Variants in PTPRA observed in about 807,000 individuals in gnomAD.
The protein encoded by PTPRA is protein tyrosine phosphatase receptor type A.
PTPRA carries 25 observed loss-of-function variants against 104.8 expected under a neutral mutation model. That is an observed-to-expected ratio of 0.24 (90% CI 0.17 to 0.33). PTPRA has a LOEUF of 0.33. Among genes scored for constraint, PTPRA ranks in the 10% least tolerant of loss-of-function variants. PTPRA has a pLI of 1.00. For synonymous variants in PTPRA, 323 were observed against 368.9 expected, an observed-to-expected ratio of 0.88 and a Z score of 1.43; for missense variants, 765 against 1,015.3, an observed-to-expected ratio of 0.75 and a Z score of 3.35.
At chr20:2,878,678 T>G (rs2089885399) in intron 1 of PTPRA, among the ~76,000 whole-genome samples, 1 of 152,248 alleles carries the variant, frequency 6.6e-6, no homozygotes, top group Non-Finnish European at 1.5e-5. Flanking sequence ...TTTCGGTGCC[T>G]AATTGCAATC....
upstream of PTPRA, among the ~76,000 whole-genome samples, chr20:2,870,360 A>T (rs1600025103): frequency 6.6e-6 from 1 of 151,440 alleles, no homozygotes; most frequent in African/African-American, 2.4e-5. Context: ...AAGAGCAAAA[A>T]CTCCGTCTCA....
chr20:2,935,425 A>G (rs974045261), intron 2 of PTPRA, among the ~76,000 whole-genome samples: 1 of 152,212 alleles, frequency 6.6e-6, no homozygotes, highest in Admixed American at 6.5e-5. Flanking sequence ...TTGATTTCAT[A>G]TCTTAGCTAT....
Position 2,965,116 on chromosome 20 carries a change from A to G in PTPRA, c.329A>G (p.Asp110Gly), listed in dbSNP as rs771931373. Residue 110 changes from aspartate to glycine, a missense_variant, in exon 5 of 24, where the codon GAT becomes GGT. This residue lies in a region of PTPRA where 256 missense variants were observed against 248.9 expected (regional missense o/e 1.03). Coordinates refer to ENST00000399903, the MANE Select transcript of PTPRA (RefSeq NM_001385305.1). ...TISPNGTWLP[D>G]NQFTDARTEP... ...TCACCAAATGGAACGTGGCTTCCAG[A>G]TAACCAGTTCACGGATGCCAGAACA... 4 of 1,614,182 alleles carry G rather than the reference A, an allele frequency of 2.5e-6. No individual in the cohort carries two copies. Among genetic ancestry groups the G allele is most frequent in the Non-Finnish European group, 3.4e-6 (4 of 1,180,020 alleles).
At chr20:2,947,820 A>G (rs925703011) in intron 2 of PTPRA, among the ~76,000 whole-genome samples, 162 bp from the exon 3 acceptor site, 4 of 152,308 alleles carry the variant, frequency 2.6e-5, no homozygotes, top group Middle Eastern at 6.8e-3. Context: ...CTTGCAGCCT[A>G]ATTTTTGTGA....
upstream of PTPRA, among the ~76,000 whole-genome samples, chr20:2,872,841 C>T (rs1226362548): frequency 6.6e-6 from 1 of 152,210 alleles, no homozygotes; most frequent in East Asian, 1.9e-4. The surrounding 1 kb of genome is among the most constrained non-coding windows in gnomAD (Gnocchi z 7.9). Context: ...GCACCTCCAT[C>T]GCAGAGCACC....
Position 3,035,572 on chromosome 20 carries a change from C to T in PTPRA, c.1921-13C>T, listed in dbSNP as rs2065757241. On this transcript the variant is annotated splice_polypyrimidine_tract_variant and intron_variant, in intron 20 of 23. Transcript: ENST00000399903. This position sits in a 1 kb window ranked among gnomAD's most constrained non-coding sequence, Gnocchi z 5.8. ...TACTCTGAGCTCCTCACCTCTCCAACCTGTCTCTCCAGGAGAAGTGTGCCC... is the reference window on the plus strand; with the variant it reads ...TACTCTGAGCTCCTCACCTCTCCAATCTGTCTCTCCAGGAGAAGTGTGCCC... 1.2e-6 allele frequency: 2 copies of T among 1,607,900 alleles called. No individual in the cohort carries two copies. Among genetic ancestry groups the T allele is most frequent in the East Asian group, 2.2e-5 (1 of 44,848 alleles).
chr20:2,899,152 T>C (rs930187733), intron 1 of PTPRA, among the ~76,000 whole-genome samples: 31 of 152,236 alleles, frequency 2.0e-4, no homozygotes, highest in African/African-American at 7.5e-4. Flanking sequence ...TTGGCCAACA[T>C]GATGAAACCC....
At chr20:3,012,627 G>T (rs145658330) in intron 11 of PTPRA, among the ~76,000 whole-genome samples, 7 of 152,368 alleles carry the variant, frequency 4.6e-5, no homozygotes, top group Non-Finnish European at 1.0e-4. Flanking sequence ...CTCAGGAAGT[G>T]TTTGGCAGTG....
intron 10 of PTPRA, among the ~76,000 whole-genome samples, chr20:3,005,811 A>G (rs1309016043): frequency 6.6e-6 from 1 of 152,112 alleles, no homozygotes; most frequent in African/African-American, 2.4e-5. Context: ...AAGAAATTCT[A>G]ATGCAGAGTT....
intron 1 of PTPRA, among the ~76,000 whole-genome samples, chr20:2,900,769 A>G (rs890672768): frequency 2.7e-5 from 4 of 148,568 alleles, no homozygotes; most frequent in Non-Finnish European, 5.9e-5. Context: ...AGGCAGGAGA[A>G]TTGCTTGAAC....
intron 1 of PTPRA, among the ~76,000 whole-genome samples, chr20:2,888,440 T>TC (rs1380152533): frequency 6.6e-6 from 1 of 151,872 alleles, no homozygotes; most frequent in Admixed American, 6.6e-5. Flanking sequence ...GCACCCATAG[T>TC]CCTAGCTACT....
chr20:2,935,394 C>CAATG (rs1296941375), intron 2 of PTPRA, among the ~76,000 whole-genome samples: 3 of 152,076 alleles, frequency 2.0e-5, no homozygotes, highest in Non-Finnish European at 4.4e-5. Flanking sequence ...ATTCATCCAT[C>CAATG]AATGAATGAA....
chr20:2,864,853 A>C, the PTPRA span: 346 of 1,312,480 alleles, frequency 2.6e-4, 1 homozygote, highest in Non-Finnish European at 3.6e-4. This position sits in a 1 kb window ranked among gnomAD's most constrained non-coding sequence, Gnocchi z 5.2. Context: ...AGAGTGGTGC[A>C]CCTAGCAGGC....
the PTPRA span, chr20:2,864,953 C>A: frequency 1.1e-5 from 18 of 1,613,866 alleles, no homozygotes; most frequent in Non-Finnish European, 1.4e-5. This position sits in a 1 kb window ranked among gnomAD's most constrained non-coding sequence, Gnocchi z 5.2. Context: ...GCTGTGAGTT[C>A]AGGCCTTCCT....
chr20:2,910,600 G>GTTTTTTTTTTTT (rs1324636448), intron 1 of PTPRA, among the ~76,000 whole-genome samples: 2 of 64,424 alleles, frequency 3.1e-5, no homozygotes, highest in East Asian at 5.2e-4. Flanking sequence ...TTTTTTTTTT[G>GTTTTTTTTTTTT]TTTTTTTTAA....
the PTPRA span, among the ~76,000 whole-genome samples, chr20:2,867,827 G>A: frequency 6.6e-6 from 1 of 152,252 alleles, no homozygotes; most frequent in Non-Finnish European, 1.5e-5. Flanking sequence ...CAGGGCCTGA[G>A]AAGGTATTTC....
chr20:2,961,762 ATGAT>A (rs1429952095), intron 3 of PTPRA, among the ~76,000 whole-genome samples: 1 of 152,180 alleles, frequency 6.6e-6, no homozygotes, highest in African/African-American at 2.4e-5. Context: ...ATTTAGGTCT[ATGAT>A]TCATTTTTAG....
intron 2 of PTPRA, among the ~76,000 whole-genome samples, chr20:2,928,558 A>T (rs2060391885): frequency 6.6e-6 from 1 of 152,158 alleles, no homozygotes; most frequent in South Asian, 2.1e-4. Flanking sequence ...AGAAAGTTTC[A>T]TATAGGAAAT....
At chr20:2,939,405 G>A (rs189120354) in intron 2 of PTPRA, among the ~76,000 whole-genome samples, 7 of 152,276 alleles carry the variant, frequency 4.6e-5, no homozygotes, top group East Asian at 1.9e-4. Flanking sequence ...GGGGAAAGGC[G>A]TGCCACCTCA....
Sources: gnomAD v4.1 joint callset for allele counts (sites outside exome capture counted in the v4.1 genomes callset) on GRCh38, gnomAD v4.1.1 for gene constraint, gnomAD v4.1.1 regional missense constraint, Gnocchi (gnomAD v3.1) non-coding constraint, MANE v1.5 for transcripts, NCBI Gene and HGNC (gene_info 2026-07-23, HGNC 2026-07-21) for gene names.